The following ADARB2 variants were observed in gnomAD, a reference collection of about 807,000 sequenced individuals.
ADARB2 encodes the protein inactive double-stranded RNA-specific editase B2.
Under a neutral mutation model 62.2 loss-of-function variants are expected in ADARB2, and 25 were observed. That is an observed-to-expected ratio of 0.40 (90% CI 0.29 to 0.56). The LOEUF is 0.56. Ranked by LOEUF, ADARB2 falls within the 20% of genes least tolerant of loss-of-function variation. The pLI, the probability that ADARB2 is intolerant of heterozygous loss-of-function variation, is 0.43. For missense variants in ADARB2, 1,071 were observed against 1,077.4 expected (o/e 0.99, Z 0.08); for synonymous variants, 572 against 500.8 (o/e 1.14, Z -1.90).
At chr10:1,609,554 T>G (rs1833541275) in intron 1 of ADARB2, among the ~76,000 whole-genome samples, 1 of 152,370 alleles carries the variant, frequency 6.6e-6, no homozygotes, top group South Asian at 2.1e-4. Context: ...CCTTCGGTCC[T>G]AAGCCAGGGC....
chr10:1,369,363 A>G (rs1832344556), intron 2 of ADARB2, among the ~76,000 whole-genome samples: 3 of 151,882 alleles, frequency 2.0e-5, no homozygotes, highest in Admixed American at 2.0e-4. Context: ...CAGGGTCTCT[A>G]CTCAATAGGC....
chr10:1,224,808 C>T (rs1830729945), intron 6 of ADARB2, among the ~76,000 whole-genome samples: 1 of 152,152 alleles, frequency 6.6e-6, no homozygotes, highest in Non-Finnish European at 1.5e-5. Context: ...GGTTCTTTTA[C>T]ATTTGCTGAG....
At chr10:1,508,818 C>T (rs1831884619) in intron 1 of ADARB2, among the ~76,000 whole-genome samples, 3 of 152,186 alleles carry the variant, frequency 2.0e-5, no homozygotes, top group Non-Finnish European at 1.5e-5. Flanking sequence ...CGTGCTTATT[C>T]TGTCAGTCCC....
At chr10:1,638,767 T>C (rs928430113) in intron 1 of ADARB2, among the ~76,000 whole-genome samples, 1 of 152,194 alleles carries the variant, frequency 6.6e-6, no homozygotes, top group Admixed American at 6.5e-5. Flanking sequence ...TCTCCATGTC[T>C]GCGAGATGAC....
chr10:1,662,033 G>T (rs1190480774), intron 1 of ADARB2, among the ~76,000 whole-genome samples: 1 of 152,170 alleles, frequency 6.6e-6, no homozygotes, highest in Non-Finnish European at 1.5e-5. Flanking sequence ...TTGAGCCCAG[G>T]AGTCCCCAGG....
chr10:1,227,771 G>T (rs1006357947), intron 6 of ADARB2, among the ~76,000 whole-genome samples: 1 of 152,100 alleles, frequency 6.6e-6, no homozygotes, highest in Non-Finnish European at 1.5e-5. Flanking sequence ...GAGAAAAGAA[G>T]AAAATATTTT....
chr10:1,516,215 C>T (rs961999301), intron 1 of ADARB2, among the ~76,000 whole-genome samples: 1 of 152,152 alleles, frequency 6.6e-6, no homozygotes, highest in Non-Finnish European at 1.5e-5. Context: ...CCTGCAGCTG[C>T]GTCCCTTACC....
chr10:1,380,561 C>T (rs1832474057), intron 1 of ADARB2, among the ~76,000 whole-genome samples: 1 of 152,204 alleles, frequency 6.6e-6, no homozygotes, highest in Admixed American at 6.5e-5. Flanking sequence ...GGCTCTTTTT[C>T]TTTTGAGGCT....
chr10:1,353,771 G>C (rs1832168123), intron 3 of ADARB2, among the ~76,000 whole-genome samples: 2 of 152,106 alleles, frequency 1.3e-5, no homozygotes, highest in Non-Finnish European at 2.9e-5. Context: ...AACAATTAGA[G>C]CCTTCCAGTT....
chr10:1,203,487 T>C (rs1837013201), intron 7 of ADARB2, among the ~76,000 whole-genome samples: 1 of 152,260 alleles, frequency 6.6e-6, no homozygotes, highest in Admixed American at 6.5e-5. Flanking sequence ...TAAAGTTACA[T>C]GAAGCCTGCA....
intron 1 of ADARB2, among the ~76,000 whole-genome samples, chr10:1,655,869 G>T (rs1341536652): frequency 6.6e-6 from 1 of 152,194 alleles, no homozygotes; most frequent in Admixed American, 6.5e-5. Context: ...GAAGGAGGAA[G>T]AATATCTATT....
intron 3 of ADARB2, among the ~76,000 whole-genome samples, chr10:1,322,072 A>C (rs1184617774): frequency 1.3e-5 from 2 of 151,904 alleles, no homozygotes; most frequent in Non-Finnish European, 2.9e-5. Context: ...AGGAGACACC[A>C]GTTGGTACCT....
chr10:1,247,168 T>C (rs1830993730), intron 4 of ADARB2, among the ~76,000 whole-genome samples: 1 of 152,246 alleles, frequency 6.6e-6, no homozygotes, highest in South Asian at 2.1e-4. Context: ...GTGATTTTTG[T>C]ACATTGATTT....
chr10:1,558,193 G>A (rs1027111542), intron 1 of ADARB2, among the ~76,000 whole-genome samples: 11 of 151,782 alleles, frequency 7.2e-5, no homozygotes, highest in Non-Finnish European at 1.2e-4. Flanking sequence ...GAGAGACCCC[G>A]CGTGCCCCAT....
intron 3 of ADARB2, among the ~76,000 whole-genome samples, chr10:1,352,597 C>T (rs1177615531): frequency 6.6e-6 from 1 of 152,216 alleles, no homozygotes; most frequent in African/African-American, 2.4e-5. Flanking sequence ...CAGCGGCTGC[C>T]ACTGCCTTAA....
intron 2 of ADARB2, among the ~76,000 whole-genome samples, chr10:1,368,376 A>G (rs1265364602): frequency 6.6e-6 from 1 of 152,194 alleles, no homozygotes; most frequent in Non-Finnish European, 1.5e-5. Context: ...ATGGTGGGGC[A>G]GACACTTCTC....
chr10:1,263,392 A>AT (rs892935699), intron 4 of ADARB2, among the ~76,000 whole-genome samples: 21 of 152,272 alleles, frequency 1.4e-4, no homozygotes, highest in Non-Finnish European at 2.5e-4. Context: ...AGTGTCCTTT[A>AT]TTTTTTCACC....
chr10:1,283,772 CAGG>C (rs1831389807), intron 3 of ADARB2, among the ~76,000 whole-genome samples: 1 of 152,174 alleles, frequency 6.6e-6, no homozygotes, highest in Non-Finnish European at 1.5e-5. Flanking sequence ...CAGATACTTG[CAGG>C]AGGAAGAGGC....
In ADARB2 at chr10:1,183,382, A is replaced by G. The variant is rs767258128; in HGVS notation, c.2044-13T>C. The G allele has an allele frequency of 6.2e-7, 1 of 1,604,048 alleles. No individual in the cohort carries two copies. Among genetic ancestry groups the G allele is most frequent in the East Asian group, 2.2e-5 (1 of 44,560 alleles). On this transcript the variant is annotated splice_polypyrimidine_tract_variant and intron_variant, in intron 9 of 9. Transcript: ENST00000381312. The stretch of plus-strand genomic sequence containing the variant: ...TCCGTGTGCTCAGCTGCGGACAAGA[A>G]GGAGAAAGAGCCAATCAGACACCAG...
Sources: gnomAD v4.1 joint callset for allele counts (sites outside exome capture counted in the v4.1 genomes callset) on GRCh38, gnomAD v4.1.1 for gene constraint, MANE v1.5 for transcripts, NCBI Gene and HGNC (gene_info 2026-07-23, HGNC 2026-07-21) for gene names.